Variants in PLXNA4 observed in about 807,000 individuals in gnomAD.
The protein encoded by PLXNA4 is plexin A4.
Under a neutral mutation model 191.8 loss-of-function variants are expected in PLXNA4, and 44 were observed. The ratio of observed to expected loss-of-function variants is 0.23; its 90% confidence interval spans 0.18 to 0.29. The LOEUF (loss-of-function observed/expected upper bound fraction) is 0.29. Ranked by LOEUF, PLXNA4 falls within the 10% of genes least tolerant of loss-of-function variation. The pLI is 1.00. For synonymous variants in PLXNA4, 1,082 were observed against 1,009.5 expected, an observed-to-expected ratio of 1.07 and a Z score of -1.36; for missense variants, 1,800 against 2,488.8, an observed-to-expected ratio of 0.72 and a Z score of 5.89.
At position 132,202,805 on chromosome 7, in the gene PLXNA4, C is replaced by T. The variant is rs1340638003; in HGVS notation, c.2427G>A (p.Glu809=). 1 of 1,604,526 alleles carries T rather than the reference C, an allele frequency of 6.2e-7. No individual in the cohort carries two copies. Among genetic ancestry groups the T allele is most frequent in the Non-Finnish European group, 8.5e-7 (1 of 1,175,358 alleles). ...VHLYKCGAMR[E]SCGLCLKADP... is the part of the protein sequence containing the mutation. ...CAGCCTTGAGGCACAGCCCGCAGCT[C>T]TCACGCATGGCTCCACACTTGTAGA... The change falls in exon 12 of 32, where the codon GAG becomes GAA. Residue 809 remains glutamate (E), a synonymous_variant. Transcript: ENST00000321063.
At chr7:132,530,644 G>A (rs1204310136) in intron 1 of PLXNA4, among the ~76,000 whole-genome samples, 2 of 152,230 alleles carry the variant, frequency 1.3e-5, no homozygotes, top group African/African-American at 4.8e-5. Flanking sequence ...TGGTGAAAGT[G>A]TAAAATGGTT....
intron 3 of PLXNA4, among the ~76,000 whole-genome samples, chr7:132,422,095 T>C (rs1000108445): frequency 4.6e-5 from 7 of 152,214 alleles, no homozygotes; most frequent in Non-Finnish European, 1.0e-4. Context: ...GGGAATGATT[T>C]GCTCAGTTGG....
At chr7:132,462,239 C>A (rs1201828549) in intron 3 of PLXNA4, among the ~76,000 whole-genome samples, 3 of 152,050 alleles carry the variant, frequency 2.0e-5, no homozygotes, top group Non-Finnish European at 4.4e-5. Context: ...TAAGGGTAAC[C>A]ACTATTAGGT....
intron 2 of PLXNA4, 105 bp from the exon 3 acceptor site, chr7:132,489,579 A>C: frequency 1.0e-6 from 1 of 1,001,782 alleles, no homozygotes; most frequent in Non-Finnish European, 1.4e-6. Context: ...GAGATGAAAC[A>C]TCTGGTAACA....
At position 132,221,935 on chromosome 7, in the gene PLXNA4, T is replaced by A. The variant is rs546034125; in HGVS notation, c.2097+1592A>T. Among the ~76,000 whole-genome samples the A allele has an allele frequency of 2.6e-5, 4 of 152,310 alleles. No individual in the cohort carries two copies. In the South Asian group the frequency reaches 8.3e-4, roughly 32 times the overall value. Reference sequence around the variant, plus strand: ...TCAGCCTCTCTCCAGCTTTCCAGACTAGTGTATCTAGCAAAGGTTTTATCT... The same window carrying A: ...TCAGCCTCTCTCCAGCTTTCCAGACAAGTGTATCTAGCAAAGGTTTTATCT... On this transcript the variant is annotated intron_variant, in intron 9 of 31. Transcript: ENST00000321063.
chr7:132,507,353 C>T (rs2116242592), intron 2 of PLXNA4, among the ~76,000 whole-genome samples, 153 bp downstream of exon 2: 1 of 152,320 alleles, frequency 6.6e-6, no homozygotes, highest in Non-Finnish European at 1.5e-5. Flanking sequence ...TATTTGGTGA[C>T]ACTCTGGGTC....
chr7:132,332,420 C>T (rs975021650), intron 3 of PLXNA4, among the ~76,000 whole-genome samples: 3 of 152,112 alleles, frequency 2.0e-5, no homozygotes, highest in Non-Finnish European at 4.4e-5. Context: ...TTAACTTGAG[C>T]CTTGTCCCGG....
intron 1 of PLXNA4, among the ~76,000 whole-genome samples, chr7:132,512,238 T>C (rs1022797178): frequency 1.3e-5 from 2 of 152,236 alleles, no homozygotes; most frequent in Non-Finnish European, 2.9e-5. Flanking sequence ...CAACCTGCCG[T>C]ATGCTGGGGA....
chr7:132,290,438 A>C (rs1246144599), intron 4 of PLXNA4, among the ~76,000 whole-genome samples: 1 of 152,136 alleles, frequency 6.6e-6, no homozygotes, highest in Non-Finnish European at 1.5e-5. Flanking sequence ...CAGCTCTGCC[A>C]CCTCATCTTC....
At chr7:132,295,236 C>T (rs930180814) in intron 4 of PLXNA4, among the ~76,000 whole-genome samples, 18 of 152,250 alleles carry the variant, frequency 1.2e-4, no homozygotes, top group African/African-American at 2.9e-4. Flanking sequence ...GGCAAGGCAT[C>T]GGATGCTCTC....
intron 4 of PLXNA4, among the ~76,000 whole-genome samples, chr7:132,286,444 C>A (rs932720569): frequency 6.6e-6 from 1 of 152,110 alleles, no homozygotes; most frequent in Non-Finnish European, 1.5e-5. Context: ...TAGGAGAAGG[C>A]GCAATAATTG....
intron 24 of PLXNA4, among the ~76,000 whole-genome samples, chr7:132,162,641 T>G (rs1424352225): frequency 6.6e-6 from 1 of 152,020 alleles, no homozygotes; most frequent in Non-Finnish European, 1.5e-5. Flanking sequence ...TTTGGAAGGG[T>G]TTTCCCCCTC....
intron 1 of PLXNA4, among the ~76,000 whole-genome samples, chr7:132,538,998 C>T (rs538364782): frequency 3.3e-5 from 5 of 152,310 alleles, no homozygotes; most frequent in South Asian, 2.1e-4. Flanking sequence ...CCTGTAATAA[C>T]TCACATCTTC....
intron 1 of PLXNA4, among the ~76,000 whole-genome samples, chr7:132,560,229 A>C (rs1800980150): frequency 6.6e-6 from 1 of 152,118 alleles, no homozygotes; most frequent in Non-Finnish European, 1.5e-5. Context: ...GGAGGCACGC[A>C]CCGAGGAAGG....
intron 18 of PLXNA4, 122 bp downstream of exon 18, chr7:132,181,259 C>T: frequency 6.6e-7 from 1 of 1,510,222 alleles, no homozygotes; most frequent in Non-Finnish European, 9.0e-7. Context: ...CTCTGGGCTA[C>T]ACTGCAACCT....
chr7:132,234,106 CAGG>C (rs1177796964), intron 5 of PLXNA4, among the ~76,000 whole-genome samples: 3 of 151,902 alleles, frequency 2.0e-5, no homozygotes, highest in Non-Finnish European at 4.4e-5. Flanking sequence ...GAGGGAACGG[CAGG>C]AGAAGGGAAA....
At chr7:132,646,361 C>T (rs1346112938) in intron 1 of PLXNA4, among the ~76,000 whole-genome samples, 1 of 152,158 alleles carries the variant, frequency 6.6e-6, no homozygotes, top group Non-Finnish European at 1.5e-5. Flanking sequence ...TTTGTATTCC[C>T]TCCCTGTTAT....
At chr7:132,573,599 T>C (rs1476774822) in intron 1 of PLXNA4, among the ~76,000 whole-genome samples, 4 of 152,130 alleles carry the variant, frequency 2.6e-5, no homozygotes, top group Non-Finnish European at 5.9e-5. Context: ...GACTCTGCCG[T>C]GCAGATTTCC....
chr7:132,313,493 G>A (rs572951804), intron 3 of PLXNA4, among the ~76,000 whole-genome samples: 4 of 152,268 alleles, frequency 2.6e-5, no homozygotes, highest in Admixed American at 2.6e-4. Context: ...AAGGAGATGG[G>A]GCTTGAAGAA....
Sources: allele counts gnomAD v4.1 joint callset (sites outside exome capture counted in the v4.1 genomes callset), GRCh38; gene constraint gnomAD v4.1.1; transcripts MANE v1.5; gene names NCBI Gene and HGNC (gene_info 2026-07-23, HGNC 2026-07-21).